The following FRMD5 variants were observed in gnomAD, a reference collection of about 807,000 sequenced individuals.
FRMD5 encodes FERM domain containing 5.
FRMD5 carries 20 observed loss-of-function variants against 69.0 expected under a neutral mutation model. That is an observed-to-expected ratio of 0.29 (90% CI 0.20 to 0.42). The LOEUF (loss-of-function observed/expected upper bound fraction) is 0.42, where lower values mean the gene tolerates loss of function less well. Ranked by LOEUF, FRMD5 falls within the 10% of genes least tolerant of loss-of-function variation. FRMD5 has a pLI of 1.00. For missense variants in FRMD5, 595 were observed against 708.6 expected (o/e 0.84, Z 1.82); for synonymous variants, 271 against 260.1 (o/e 1.04, Z -0.40).
intron 1 of FRMD5, among the ~76,000 whole-genome samples, chr15:44,121,302 T>C (rs1167280479): frequency 6.6e-6 from 1 of 150,408 alleles, no homozygotes; most frequent in Non-Finnish European, 1.5e-5. Context: ...CAGCTTTCAG[T>C]GGATGTGAAG....
intron 1 of FRMD5, among the ~76,000 whole-genome samples, chr15:44,037,831 T>C (rs146176053): frequency 1.1e-3 from 169 of 152,234 alleles, no homozygotes; most frequent in African/African-American, 4.0e-3. Context: ...ATTAATGGGA[T>C]TGGTGGTCAA....
At chr15:44,195,487 C>CCT (rs2078278577), upstream of FRMD5, among the ~76,000 whole-genome samples, 1 of 152,230 alleles carries the variant, frequency 6.6e-6, no homozygotes, top group Non-Finnish European at 1.5e-5. Flanking sequence ...ACGAGGGGTT[C>CCT]CTCTCCGCCC....
At chr15:43,938,286 C>G (rs2089799846) in intron 1 of FRMD5, among the ~76,000 whole-genome samples, 1 of 148,676 alleles carries the variant, frequency 6.7e-6, no homozygotes, top group African/African-American at 2.5e-5. Context: ...CAAACATTAT[C>G]TCTAATGCTA....
intron 1 of FRMD5, among the ~76,000 whole-genome samples, chr15:44,108,608 G>A (rs1336564684): frequency 6.6e-6 from 1 of 152,106 alleles, no homozygotes; most frequent in Non-Finnish European, 1.5e-5. Flanking sequence ...TCACGCCATT[G>A]CACTCCAGCC....
chr15:44,065,727 A>G (rs905242486), intron 1 of FRMD5, among the ~76,000 whole-genome samples: 3 of 152,242 alleles, frequency 2.0e-5, no homozygotes, highest in African/African-American at 7.2e-5. Context: ...GTCAATAAGC[A>G]TATAAACTGA....
intron 1 of FRMD5, among the ~76,000 whole-genome samples, chr15:44,178,458 T>C (rs964367496): frequency 6.6e-6 from 1 of 152,238 alleles, no homozygotes; most frequent in Non-Finnish European, 1.5e-5. Context: ...TACTGAGTTC[T>C]ATAACTAAGA....
Position 44,090,294 on chromosome 15 carries a change from G to A in FRMD5, c.102+104659C>T, listed in dbSNP as rs1167696988. ...AGATGATGTAAATAAAATCCCTAGT[G>A]AGTACTGCTCTCTTTAGATGTCCCA... On this transcript the variant is annotated intron_variant, in intron 1 of 13. Transcript: ENST00000417257. Among the ~76,000 whole-genome samples, 3 of 152,098 alleles carry A rather than the reference G, an allele frequency of 2.0e-5. 1 individual carries two copies.
At chr15:44,170,256 G>A (rs1321764794) in intron 1 of FRMD5, among the ~76,000 whole-genome samples, 1 of 152,096 alleles carries the variant, frequency 6.6e-6, no homozygotes, top group Non-Finnish European at 1.5e-5. Context: ...CAGACATGGT[G>A]GCTCACACCT....
chr15:43,888,751 C>T (rs1250606897), intron 9 of FRMD5, 58 bp downstream of exon 9: 15 of 1,472,626 alleles, frequency 1.0e-5, no homozygotes, highest in East Asian at 4.5e-5. Flanking sequence ...TGGCTCTGGC[C>T]ACCAGGAAGC....
At chr15:43,895,669 A>T (rs1296147697) in intron 7 of FRMD5, among the ~76,000 whole-genome samples, 2 of 152,236 alleles carry the variant, frequency 1.3e-5, no homozygotes, top group African/African-American at 4.8e-5. Flanking sequence ...CTTCAAATGC[A>T]ACAGATGCAG....
chr15:44,030,514 T>C (rs1317185644), intron 1 of FRMD5, among the ~76,000 whole-genome samples: 2 of 152,230 alleles, frequency 1.3e-5, no homozygotes, highest in South Asian at 2.1e-4. Context: ...GAACAGGGAT[T>C]GACTCAGTGA....
chr15:44,032,855 T>C (rs1192614731), intron 1 of FRMD5, among the ~76,000 whole-genome samples: 2 of 152,216 alleles, frequency 1.3e-5, no homozygotes, highest in Admixed American at 1.3e-4. Flanking sequence ...ATCCCATTAC[T>C]GGGTATATAC....
At chr15:44,101,178 G>T (rs1295052997) in intron 1 of FRMD5, among the ~76,000 whole-genome samples, 1 of 150,948 alleles carries the variant, frequency 6.6e-6, no homozygotes, top group Admixed American at 6.6e-5. Context: ...AAACAGAAAA[G>T]AAAAAAGAAA....
At chr15:43,968,639 T>C (rs2090331155) in intron 1 of FRMD5, among the ~76,000 whole-genome samples, 1 of 152,238 alleles carries the variant, frequency 6.6e-6, no homozygotes, top group African/African-American at 2.4e-5. Flanking sequence ...CTTGTATCTA[T>C]CTACTTTATT....
At chr15:44,124,100 C>T (rs1313253242) in intron 1 of FRMD5, among the ~76,000 whole-genome samples, 1 of 151,988 alleles carries the variant, frequency 6.6e-6, no homozygotes, top group African/African-American at 2.4e-5. Flanking sequence ...TCTAGCAATT[C>T]GCCTGCCTCA....
chr15:43,884,993 A>C, intron 11 of FRMD5, 198 bp from the exon 12 acceptor site: 1 of 530,284 alleles, frequency 1.9e-6, no homozygotes, highest in Non-Finnish European at 3.4e-6. Flanking sequence ...ATCTGAGAGA[A>C]CTCTCTCCAT....
intron 1 of FRMD5, among the ~76,000 whole-genome samples, chr15:44,184,958 A>ATAT (rs555570769): frequency 2.5e-3 from 376 of 152,354 alleles, no homozygotes; most frequent in Non-Finnish European, 4.6e-3. Context: ...AGTATACCCA[A>ATAT]TATTACAAAT....
At chr15:43,875,348 CAAAAAA>C (rs1202161221) in intron 13 of FRMD5, among the ~76,000 whole-genome samples, 9 of 46,812 alleles carry the variant, frequency 1.9e-4, no homozygotes, top group African/African-American at 8.9e-4. Flanking sequence ...AAGACTGTCT[CAAAAAA>C]AAAAAAAAAA....
At chr15:43,931,308 G>T (rs566648545) in intron 1 of FRMD5, among the ~76,000 whole-genome samples, 4 of 152,260 alleles carry the variant, frequency 2.6e-5, no homozygotes, top group African/African-American at 9.6e-5. Context: ...TGGAAACTCA[G>T]CCAGGCTTGT....
Sources: gnomAD v4.1 joint callset for allele counts (sites outside exome capture counted in the v4.1 genomes callset) on GRCh38, gnomAD v4.1.1 for gene constraint, MANE v1.5 for transcripts, NCBI Gene and HGNC (gene_info 2026-07-23, HGNC 2026-07-21) for gene names.